Variants in CISD1 observed in about 807,000 individuals in gnomAD.
CISD1 encodes the protein CDGSH iron sulfur domain 1, also known as CDGSH iron-sulfur domain-containing protein 1.
A neutral mutation model predicts 12.0 loss-of-function variants in CISD1; 8 were observed. The ratio of observed to expected loss-of-function variants is 0.67; its 90% CI spans 0.39 to 1.20. The LOEUF (loss-of-function observed/expected upper bound fraction) is 1.20, where lower values mean the gene tolerates loss of function less well. CISD1 is among the 50% of genes most tolerant of loss of function. The pLI is 0.01. For synonymous variants in CISD1, 38 were observed against 42.2 expected, an observed-to-expected ratio of 0.90 and a Z score of 0.39; for missense variants, 107 against 132.7, an observed-to-expected ratio of 0.81 and a Z score of 0.95.
chr10:58,284,939 A>G (rs1475329221), intron 2 of CISD1, among the ~76,000 whole-genome samples: 1 of 152,184 alleles, frequency 6.6e-6, no homozygotes, highest in African/African-American at 2.4e-5. Flanking sequence ...GTAAACTTTT[A>G]TGCTCACTGT....
intron 1 of CISD1, among the ~76,000 whole-genome samples, chr10:58,275,457 A>C (rs1388218550): frequency 6.6e-6 from 1 of 152,226 alleles, no homozygotes; most frequent in African/African-American, 2.4e-5. Flanking sequence ...ATCTACACAT[A>C]ATGTGTACCT....
At position 58,288,325 on chromosome 10, in the gene CISD1, T is replaced by G. The variant is rs1380353335; in HGVS notation, c.*675T>G. On this transcript the variant is annotated 3_prime_UTR_variant, in exon 3 of 3. Transcript: ENST00000333926. ...AAAGGAGCCAATAGTGAAAATTTAG[T>G]TAAAGGTGATATTAGATTTAAATTA... The G allele has an allele frequency of 6.6e-6, 1 of 152,328 alleles. No individual in the cohort carries two copies. Among genetic ancestry groups the G allele is most frequent in the East Asian group, 1.9e-4 (1 of 5,340 alleles). 9.4% of individuals were successfully genotyped at this position (152,328 alleles called of 1,614,324 possible).
At chr10:58,287,508 C>T in intron 2 of CISD1, 53 bp from the exon 3 acceptor site, 1 of 1,330,838 alleles carries the variant, frequency 7.5e-7, no homozygotes, top group Non-Finnish European at 1.1e-6. Flanking sequence ...CTCTGCCGAG[C>T]ATAATACTGA....
Position 58,287,707 on chromosome 10 carries a change from T to G in CISD1, c.*57T>G. On this transcript the variant is annotated 3_prime_UTR_variant, in exon 3 of 3. Coordinates refer to ENST00000333926, the MANE Select transcript of CISD1 (RefSeq NM_018464.5). ...TCGTGAAGTTACCTGATTGTTTAATTAGAATGACTACCACCTCTGTCTGAT... is the reference window on the plus strand; with the variant it reads ...TCGTGAAGTTACCTGATTGTTTAATGAGAATGACTACCACCTCTGTCTGAT... 9.0e-7 allele frequency: 1 copy of G among 1,106,572 alleles called. No homozygotes were observed. The allele number at this position is 1,106,572 out of a possible 1,614,324, so 68.5% of individuals were successfully genotyped here.
chr10:58,281,771 C>T (rs1000573994), intron 2 of CISD1, among the ~76,000 whole-genome samples: 1 of 152,184 alleles, frequency 6.6e-6, no homozygotes, highest in Non-Finnish European at 1.5e-5. Context: ...CTAATTCATT[C>T]TTAAGGTGCA....
intron 2 of CISD1, among the ~76,000 whole-genome samples, chr10:58,279,724 A>G (rs185967375): frequency 7.2e-5 from 11 of 152,344 alleles, no homozygotes; most frequent in Admixed American, 4.6e-4. Flanking sequence ...TTCATTTACT[A>G]TCTACTATAT....
intron 2 of CISD1, among the ~76,000 whole-genome samples, chr10:58,281,025 A>G (rs929664902): frequency 2.0e-5 from 3 of 152,256 alleles, no homozygotes; most frequent in East Asian, 1.9e-4. Flanking sequence ...GAAAAGTAAC[A>G]TAATTGCTTG....
chr10:58,283,338 T>G (rs1032525794), intron 2 of CISD1, among the ~76,000 whole-genome samples: 2 of 152,226 alleles, frequency 1.3e-5, no homozygotes, highest in African/African-American at 4.8e-5. Context: ...TTATAGCTAC[T>G]GTCTTAGGTT....
Sources: gnomAD v4.1 joint callset for allele counts (sites outside exome capture counted in the v4.1 genomes callset) on GRCh38, gnomAD v4.1.1 for gene constraint, MANE v1.5 for transcripts, NCBI Gene and HGNC (gene_info 2026-07-23, HGNC 2026-07-21) for gene names.